The following CNTN5 variants were observed in gnomAD, a reference collection of about 807,000 sequenced individuals.
The protein encoded by CNTN5 is contactin-5.
Under a neutral mutation model 129.1 loss-of-function variants are expected in CNTN5, and 77 were observed. The observed-to-expected ratio is 0.60, with a 90% confidence interval of 0.50 to 0.72. The LOEUF (loss-of-function observed/expected upper bound fraction) is 0.72. Ranked by LOEUF, CNTN5 falls within the 30% of genes least tolerant of loss-of-function variation. The pLI, the probability that CNTN5 is intolerant of heterozygous loss-of-function variation, is 0.00. For synonymous variants in CNTN5, 509 were observed against 465.6 expected, an observed-to-expected ratio of 1.09 and a Z score of -1.20; for missense variants, 1,478 against 1,328.8, an observed-to-expected ratio of 1.11 and a Z score of -1.75.
At chr11:100,153,225 G>T (rs1456917968) in intron 13 of CNTN5, among the ~76,000 whole-genome samples, 2 of 152,044 alleles carry the variant, frequency 1.3e-5, no homozygotes, top group Non-Finnish European at 2.9e-5. Context: ...TCACAGGATT[G>T]CATCATTAAC....
At chr11:99,678,826 TACAAATAAAATG>T (rs1565418645) in intron 3 of CNTN5, among the ~76,000 whole-genome samples, 1 of 151,818 alleles carries the variant, frequency 6.6e-6, no homozygotes, top group Non-Finnish European at 1.5e-5. Flanking sequence ...ATGAGAAGAA[TACAAATAAAATG>T]TTAAAGTAAT....
At chr11:100,065,452 G>A (rs1307266269) in intron 10 of CNTN5, among the ~76,000 whole-genome samples, 1 of 151,918 alleles carries the variant, frequency 6.6e-6, no homozygotes, top group Non-Finnish European at 1.5e-5. Flanking sequence ...CTAATGAAGG[G>A]AACTAATAAT....
At chr11:99,404,072 C>T (rs1317468957) in intron 2 of CNTN5, among the ~76,000 whole-genome samples, 1 of 151,970 alleles carries the variant, frequency 6.6e-6, no homozygotes, top group African/African-American at 2.4e-5. Context: ...ATTTTTATAT[C>T]CTCTTGCTGA....
rs533461091 is a variant in CNTN5 at position 99,202,549 on chromosome 11, A to G, written c.-209-122797A>G. Among the ~76,000 whole-genome samples the G allele has an allele frequency of 1.6e-4, 25 of 152,318 alleles. No homozygotes were observed. In the South Asian group the frequency reaches 4.3e-3, roughly 26 times the overall value. On this transcript the variant is annotated intron_variant, in intron 1 of 24. Coordinates refer to ENST00000524871, the MANE Select transcript of CNTN5 (RefSeq NM_014361.4). The stretch of plus-strand genomic sequence containing the variant: ...TAAGATGGCTTTAATTAACATTCTT[A>G]GTAATGTAACAAACAGACCTAAGAA...
intron 3 of CNTN5, among the ~76,000 whole-genome samples, chr11:99,727,775 A>T (rs2135074485): frequency 6.6e-6 from 1 of 152,312 alleles, no homozygotes; most frequent in Non-Finnish European, 1.5e-5. Context: ...GAACACCATA[A>T]AGTCATTTTA....
chr11:99,271,895 G>A (rs1035182096), intron 1 of CNTN5, among the ~76,000 whole-genome samples: 10 of 151,854 alleles, frequency 6.6e-5, no homozygotes, highest in Non-Finnish European at 1.5e-4. Context: ...ACCTTCGGAA[G>A]TCACACTCAA....
At chr11:100,268,122 C>T (rs1284434125) in intron 17 of CNTN5, among the ~76,000 whole-genome samples, 1 of 152,042 alleles carries the variant, frequency 6.6e-6, no homozygotes, top group African/African-American at 2.4e-5. Flanking sequence ...ATGGAGAAGC[C>T]TGAGAAACCT....
rs1952394352 is a variant in CNTN5, at chr11:100,350,829, A to C, written c.3158A>C (p.Asp1053Ala). ...GTTCGAGCATATAGTGAAGGAGGAG[A>C]TGGAACAGCTAGTTCTCAAATTAGG... ...IEVRAYSEGG[D>A]GTASSQIRVP... The change falls in exon 24 of 25, where the codon GAT (aspartate) becomes GCT (alanine). Residue 1053 changes from aspartate (D) to alanine (A), a missense_variant. Coordinates refer to ENST00000524871, the MANE Select transcript of CNTN5 (RefSeq NM_014361.4). 6.3e-7 allele frequency: 1 copy of C among 1,599,352 alleles called. No individual in the cohort carries two copies. The highest frequency in any genetic ancestry group is 8.5e-7 in the Non-Finnish European group (1 of 1,171,240).
intron 7 of CNTN5, among the ~76,000 whole-genome samples, chr11:99,941,597 GAGAT>G (rs1245613151): frequency 7.0e-5 from 5 of 71,830 alleles, no homozygotes; most frequent in African/African-American, 1.9e-4. Context: ...AAGAGAAAGA[GAGAT>G]AGATAGAGAT....
intron 1 of CNTN5, among the ~76,000 whole-genome samples, chr11:99,199,801 C>G (rs555362133): frequency 2.6e-5 from 4 of 152,296 alleles, no homozygotes; most frequent in African/African-American, 7.2e-5. Flanking sequence ...ATTAGAGAAA[C>G]TGCAAAGTCA....
intron 1 of CNTN5, among the ~76,000 whole-genome samples, chr11:99,260,495 A>C (rs1862576649): frequency 6.6e-6 from 1 of 151,844 alleles, no homozygotes; most frequent in Non-Finnish European, 1.5e-5. Context: ...ATCTCTTGGA[A>C]GTTTACAATC....
chr11:99,786,290 A>G (rs1172527390), intron 3 of CNTN5, among the ~76,000 whole-genome samples: 2 of 152,238 alleles, frequency 1.3e-5, no homozygotes, highest in East Asian at 3.9e-4. Flanking sequence ...TAGGAATCCA[A>G]CTTACAAGGG....
intron 3 of CNTN5, among the ~76,000 whole-genome samples, chr11:99,658,398 G>A (rs1952461075): frequency 6.6e-6 from 1 of 152,040 alleles, no homozygotes; most frequent in African/African-American, 2.4e-5. Flanking sequence ...TAGGCTGTCT[G>A]GAGAATATAA....
Position 100,308,426 on chromosome 11 carries a change from G to A in CNTN5, c.2688G>A (p.Trp896Ter), listed in dbSNP as rs1951404250. 6.2e-7 allele frequency: 1 copy of A among 1,610,912 alleles called. No individual in the cohort carries two copies. Among genetic ancestry groups the A allele is most frequent in the Admixed American group, 1.7e-5 (1 of 59,772 alleles). ...CTGTGTCAGAGATTCTTGTTGCATG[G>A]AAACACATTAAAGAGAGTCTAGGAA... ...SVSVSEILVA[W>*]KHIKESLGRP... Residue 896 changes from tryptophan (W) to a stop codon, truncating the protein, a stop_gained, in exon 21 of 25, where the codon TGG (tryptophan) becomes TGA (stop). Coordinates refer to ENST00000524871, the MANE Select transcript of CNTN5 (RefSeq NM_014361.4). LOFTEE classifies it high-confidence loss of function.
At chr11:100,000,947 C>T (rs753061042) in intron 8 of CNTN5, among the ~76,000 whole-genome samples, 6 of 152,084 alleles carry the variant, frequency 3.9e-5, no homozygotes, top group African/African-American at 4.8e-5. Flanking sequence ...CACCATGTCT[C>T]GAGGCTGCAC....
chr11:99,901,630 TA>T (rs1380059161), intron 6 of CNTN5, among the ~76,000 whole-genome samples: 3 of 152,182 alleles, frequency 2.0e-5, no homozygotes, highest in African/African-American at 7.2e-5. Flanking sequence ...TAGAATGGTT[TA>T]TTTTTTTCTA....
intron 3 of CNTN5, among the ~76,000 whole-genome samples, chr11:99,620,927 T>TTC (rs1294114472): frequency 2.1e-5 from 1 of 46,628 alleles, no homozygotes; most frequent in Non-Finnish European, 5.5e-5. Context: ...ACTTAGAATT[T>TTC]TTTTTCTTTA....
At chr11:100,105,716 G>T (rs144787774) in intron 13 of CNTN5, among the ~76,000 whole-genome samples, 22 of 152,108 alleles carry the variant, frequency 1.4e-4, no homozygotes, top group African/African-American at 5.1e-4. Flanking sequence ...AGGTCTCATC[G>T]TTTCAGACCT....
chr11:100,015,812 G>T (rs776549051), intron 9 of CNTN5, among the ~76,000 whole-genome samples: 3 of 151,746 alleles, frequency 2.0e-5, no homozygotes, highest in Non-Finnish European at 2.9e-5. Context: ...ATTACATAAG[G>T]TGTTGATGAT....
Sources: allele counts gnomAD v4.1 joint callset (sites outside exome capture counted in the v4.1 genomes callset), GRCh38; gene constraint gnomAD v4.1.1; transcripts MANE v1.5; gene names NCBI Gene and HGNC (gene_info 2026-07-23, HGNC 2026-07-21).